Variants in CADM2 observed in about 807,000 individuals in gnomAD.
CADM2 encodes cell adhesion molecule 2, also known as immunoglobulin superfamily member 4D.
Under a neutral mutation model 49.8 loss-of-function variants are expected in CADM2, and 12 were observed. The ratio of observed to expected loss-of-function variants is 0.24; its 90% CI spans 0.15 to 0.39. The LOEUF (loss-of-function observed/expected upper bound fraction) is 0.39. CADM2 is among the 10% of genes least tolerant of loss of function. CADM2 has a pLI of 1.00. For synonymous variants in CADM2, 214 were observed against 175.4 expected (o/e 1.22, Z -1.74); for missense variants, 378 against 492.3 (o/e 0.77, Z 2.20).
chr3:85,030,414 A>G (rs973092113), intron 1 of CADM2, among the ~76,000 whole-genome samples: 25 of 152,194 alleles, frequency 1.6e-4, no homozygotes, highest in African/African-American at 5.8e-4. Context: ...AATGCCAAGG[A>G]CATACGACCA....
intron 1 of CADM2, among the ~76,000 whole-genome samples, chr3:85,312,054 G>A (rs1237823835): frequency 6.6e-6 from 1 of 151,852 alleles, no homozygotes; most frequent in Non-Finnish European, 1.5e-5. Flanking sequence ...TTTTTTAAAG[G>A]CCTCTTTTTT....
At chr3:85,697,125 A>T (rs1385779453) in intron 1 of CADM2, among the ~76,000 whole-genome samples, 1 of 150,096 alleles carries the variant, frequency 6.7e-6, no homozygotes, top group Non-Finnish European at 1.5e-5. Flanking sequence ...ATATATATAT[A>T]TGGCAGCTTC....
chr3:85,231,061 C>T (rs2042275409), intron 1 of CADM2, among the ~76,000 whole-genome samples: 1 of 151,818 alleles, frequency 6.6e-6, no homozygotes, highest in South Asian at 2.1e-4. Context: ...GATATGGTCA[C>T]CCTTGGCCTG....
chr3:85,389,893 A>AT (rs1406144181), intron 1 of CADM2, among the ~76,000 whole-genome samples: 32 of 152,004 alleles, frequency 2.1e-4, no homozygotes, highest in African/African-American at 7.7e-4. Flanking sequence ...CTATTTAATG[A>AT]TTTTCTGAAG....
At chr3:85,171,627 A>T (rs2040630765) in intron 1 of CADM2, among the ~76,000 whole-genome samples, 1 of 152,152 alleles carries the variant, frequency 6.6e-6, no homozygotes, top group East Asian at 1.9e-4. Context: ...GCTCAGGTTA[A>T]TTGTCTATAT....
intron 1 of CADM2, among the ~76,000 whole-genome samples, chr3:85,583,810 A>AT (rs528883820): frequency 2.0e-5 from 3 of 151,978 alleles, no homozygotes; most frequent in Non-Finnish European, 2.9e-5. Context: ...ATGAAATTAC[A>AT]TTTTTTTAAA....
intron 1 of CADM2, among the ~76,000 whole-genome samples, chr3:85,199,081 T>C (rs1321466695): frequency 6.6e-6 from 1 of 151,974 alleles, no homozygotes; most frequent in East Asian, 1.9e-4. Context: ...ACTGATCCCT[T>C]ACAATACATT....
intron 1 of CADM2, among the ~76,000 whole-genome samples, chr3:85,048,466 G>T (rs1295312654): frequency 6.6e-6 from 1 of 152,142 alleles, no homozygotes; most frequent in African/African-American, 2.4e-5. Context: ...GATTACAGCT[G>T]TAACCAAGAA....
At chr3:85,697,244 A>G (rs2066596621) in intron 1 of CADM2, among the ~76,000 whole-genome samples, 1 of 151,834 alleles carries the variant, frequency 6.6e-6, no homozygotes, top group Non-Finnish European at 1.5e-5. Context: ...AGATTCTTTC[A>G]GGAAGTGTCA....
intron 1 of CADM2, among the ~76,000 whole-genome samples, chr3:85,128,744 G>A (rs1446727253): frequency 6.6e-6 from 1 of 152,166 alleles, no homozygotes; most frequent in Non-Finnish European, 1.5e-5. Flanking sequence ...AAATAAACAT[G>A]TTAAGGCTAA....
chr3:85,473,215 T>C (rs1399841287), intron 1 of CADM2, among the ~76,000 whole-genome samples: 1 of 152,068 alleles, frequency 6.6e-6, no homozygotes, highest in Non-Finnish European at 1.5e-5. Context: ...TGAATAATTG[T>C]ATGAATTATT....
intron 1 of CADM2, among the ~76,000 whole-genome samples, chr3:85,536,566 G>C (rs2061427491): frequency 6.6e-6 from 1 of 151,770 alleles, no homozygotes; most frequent in African/African-American, 2.4e-5. Context: ...TTTTTCATAA[G>C]ATATTTACTC....
At chr3:85,706,723 GAAC>G (rs2066962450) in intron 1 of CADM2, among the ~76,000 whole-genome samples, 2 of 152,038 alleles carry the variant, frequency 1.3e-5, no homozygotes, top group African/African-American at 4.8e-5. Flanking sequence ...TAGAAGGAGA[GAAC>G]AAAATCTGTA....
chr3:85,552,511 G>A (rs1428167494), intron 1 of CADM2, among the ~76,000 whole-genome samples: 1 of 150,932 alleles, frequency 6.6e-6, no homozygotes, highest in Non-Finnish European at 1.5e-5. Context: ...CTACCGAGTA[G>A]CTGAGACTAC....
chr3:85,550,247 T>A (rs1378231406), intron 1 of CADM2, among the ~76,000 whole-genome samples: 1 of 152,310 alleles, frequency 6.6e-6, no homozygotes, highest in East Asian at 1.9e-4. Flanking sequence ...TGGGGTGCAT[T>A]GTATATTTTA....
At chr3:85,494,829 T>C (rs1037693485) in intron 1 of CADM2, among the ~76,000 whole-genome samples, 14 of 152,166 alleles carry the variant, frequency 9.2e-5, no homozygotes, top group African/African-American at 3.4e-4. Flanking sequence ...ATGGTGGCCC[T>C]AGGGAAAATG....
At chr3:85,968,885 A>T (rs1414462830) in intron 8 of CADM2, among the ~76,000 whole-genome samples, 2 of 151,724 alleles carry the variant, frequency 1.3e-5, no homozygotes, top group African/African-American at 4.8e-5. Flanking sequence ...TTTTACATAA[A>T]ACCTGCTTTG....
At chr3:85,211,200 G>C (rs1310160769) in intron 1 of CADM2, among the ~76,000 whole-genome samples, 2 of 151,772 alleles carry the variant, frequency 1.3e-5, no homozygotes, top group Non-Finnish European at 2.9e-5. Flanking sequence ...TTCTTAGCCT[G>C]GCGATAGGTT....
chr3:85,620,414 T>C (rs2063937643), intron 1 of CADM2, among the ~76,000 whole-genome samples: 1 of 152,032 alleles, frequency 6.6e-6, no homozygotes, highest in Non-Finnish European at 1.5e-5. Flanking sequence ...GATAGGTACA[T>C]AGATCCAATG....
Sources: allele counts gnomAD v4.1 joint callset (sites outside exome capture counted in the v4.1 genomes callset), GRCh38; gene constraint gnomAD v4.1.1; transcripts MANE v1.5; gene names NCBI Gene and HGNC (gene_info 2026-07-23, HGNC 2026-07-21).